The following ABLIM1 variants were observed in gnomAD, a reference collection of about 807,000 sequenced individuals.
ABLIM1 encodes actin-binding LIM protein 1.
Under a neutral mutation model 107.0 loss-of-function variants are expected in ABLIM1, and 40 were observed. That is an observed-to-expected ratio of 0.37 (90% CI 0.29 to 0.49). The LOEUF is 0.49. ABLIM1 is among the 20% of genes least tolerant of loss of function. The probability of loss-of-function intolerance (pLI) is 0.97; values close to 1 mark genes in which losing one functional copy is unlikely to be tolerated. For missense variants in ABLIM1, 857 were observed against 1,008.5 expected, an observed-to-expected ratio of 0.85 and a Z score of 2.04; for synonymous variants, 357 against 357.3, an observed-to-expected ratio of 1.00 and a Z score of 0.01.
At chr10:114,456,162 C>T (rs1019244346) in intron 12 of ABLIM1, among the ~76,000 whole-genome samples, 2 of 152,118 alleles carry the variant, frequency 1.3e-5, no homozygotes, top group South Asian at 2.1e-4. Flanking sequence ...CCTTGAAGAA[C>T]GTCGTTTATT....
rs2081449460 is a variant in ABLIM1 at position 114,707,616 on chromosome 10, C to T, written c.-213+60445G>A. Among the ~76,000 whole-genome samples, 1 of 152,074 alleles carries T rather than the reference C, an allele frequency of 6.6e-6. No individual in the cohort carries two copies. The highest frequency in any genetic ancestry group is 1.5e-5 in the Non-Finnish European group (1 of 68,016). ...AGTACTAGTCATAAAAAACTAATTA[C>T]CGGCCGGGCACGGTGGCTCACACTT... On this transcript the variant is annotated intron_variant, in intron 1 of 15. Transcript: ENST00000651092. The surrounding 1 kb of genome is among the most constrained non-coding windows in gnomAD (Gnocchi z 4.1).
At chr10:114,766,506 C>T (rs988021969) in intron 1 of ABLIM1, among the ~76,000 whole-genome samples, 4 of 152,102 alleles carry the variant, frequency 2.6e-5, no homozygotes, top group African/African-American at 9.7e-5. Flanking sequence ...CAGATAAACC[C>T]GAGACCCTGG....
At chr10:114,592,713 A>C (rs1198770465) in intron 2 of ABLIM1, among the ~76,000 whole-genome samples, 1 of 152,154 alleles carries the variant, frequency 6.6e-6, no homozygotes, top group Non-Finnish European at 1.5e-5. Flanking sequence ...TTTTGTACAT[A>C]CTATGAAGAT....
intron 2 of ABLIM1, among the ~76,000 whole-genome samples, chr10:114,577,026 T>G (rs187126211): frequency 5.9e-5 from 9 of 152,322 alleles, no homozygotes; most frequent in African/African-American, 1.9e-4. Context: ...GGAACCCACG[T>G]GTGGATTGGC....
At chr10:114,513,127 C>A (rs2062184076) in intron 6 of ABLIM1, among the ~76,000 whole-genome samples, 1 of 152,096 alleles carries the variant, frequency 6.6e-6, no homozygotes, top group Non-Finnish European at 1.5e-5. Flanking sequence ...AGAAACTTAC[C>A]AGATACTTTC....
At chr10:114,736,162 G>GC (rs1281476452) in intron 1 of ABLIM1, among the ~76,000 whole-genome samples, 4 of 152,038 alleles carry the variant, frequency 2.6e-5, no homozygotes, top group Admixed American at 1.3e-4. Context: ...ACCTTAAAGT[G>GC]CCCCCCAGGA....
the ABLIM1 span, among the ~76,000 whole-genome samples, chr10:114,800,578 G>A: frequency 3.9e-5 from 6 of 152,146 alleles, no homozygotes; most frequent in Admixed American, 6.5e-5. Context: ...CCTGAATACA[G>A]TTGACCCGTG....
chr10:114,648,485 C>T (rs904167360), intron 1 of ABLIM1, among the ~76,000 whole-genome samples: 1 of 152,186 alleles, frequency 6.6e-6, no homozygotes, highest in East Asian at 1.9e-4. Context: ...GGAAAACCCA[C>T]AAACACCTAA....
At chr10:114,648,708 T>C (rs74158026) in intron 1 of ABLIM1, among the ~76,000 whole-genome samples, 3,865 of 152,316 alleles carry the variant, frequency 0.025, 148 homozygotes, top group African/African-American at 0.088. Context: ...TTTTAAAATG[T>C]ATGAAGTACC....
At chr10:114,519,422 T>C (rs1258678276) in intron 6 of ABLIM1, among the ~76,000 whole-genome samples, 2 of 152,184 alleles carry the variant, frequency 1.3e-5, no homozygotes, top group Admixed American at 1.3e-4. Context: ...GCAGCCTTTT[T>C]TCCCCGCCCA....
chr10:114,479,375 A>T (rs901250695), intron 8 of ABLIM1, among the ~76,000 whole-genome samples: 2 of 152,198 alleles, frequency 1.3e-5, no homozygotes, highest in African/African-American at 4.8e-5. Flanking sequence ...CAGCTACCGC[A>T]CTTGGACTCC....
At chr10:114,727,812 AGGCATGGTG>A (rs1410018293) in intron 1 of ABLIM1, among the ~76,000 whole-genome samples, 1 of 152,088 alleles carries the variant, frequency 6.6e-6, no homozygotes, top group African/African-American at 2.4e-5. Context: ...AAAGTTAGCC[AGGCATGGTG>A]GCTCATGCCT....
intron 12 of ABLIM1, among the ~76,000 whole-genome samples, chr10:114,457,998 G>A (rs979882074): frequency 2.0e-5 from 3 of 152,100 alleles, no homozygotes; most frequent in African/African-American, 4.8e-5. Flanking sequence ...GCTTGAACCC[G>A]GGAGGTGGAG....
intron 2 of ABLIM1, among the ~76,000 whole-genome samples, chr10:114,580,204 A>T (rs1565997342): frequency 7.3e-6 from 1 of 137,042 alleles, no homozygotes; most frequent in East Asian, 2.2e-4. Context: ...TATATTATAT[A>T]TTATATATAT....
chr10:114,609,001 T>C (rs2076626541), intron 1 of ABLIM1, among the ~76,000 whole-genome samples: 2 of 150,968 alleles, frequency 1.3e-5, no homozygotes, highest in South Asian at 4.2e-4. Flanking sequence ...GGTGAGACTC[T>C]GCCTCAAAAA....
chr10:114,553,666 G>T (rs1212197869), intron 4 of ABLIM1, among the ~76,000 whole-genome samples: 1 of 152,190 alleles, frequency 6.6e-6, no homozygotes, highest in African/African-American at 2.4e-5. Context: ...TTTACTAAGT[G>T]GGGAAACTCA....
intron 1 of ABLIM1, among the ~76,000 whole-genome samples, chr10:114,730,270 C>A (rs949823614): frequency 6.6e-6 from 1 of 151,820 alleles, no homozygotes; most frequent in Non-Finnish European, 1.5e-5. Context: ...TGGCGATGCA[C>A]GCCTATAATC....
At chr10:114,620,104 A>T (rs934734381) in intron 1 of ABLIM1, among the ~76,000 whole-genome samples, 1 of 152,252 alleles carries the variant, frequency 6.6e-6, no homozygotes, top group African/African-American at 2.4e-5. Flanking sequence ...GTTAGTGTAG[A>T]GGGTCTAAGC....
the ABLIM1 span, among the ~76,000 whole-genome samples, chr10:114,786,871 T>C: frequency 1.3e-5 from 2 of 152,174 alleles, no homozygotes; most frequent in Non-Finnish European, 2.9e-5. Flanking sequence ...GCAGCCTGCC[T>C]TGGCCTCCCA....
Sources: gnomAD v4.1 joint callset for allele counts (sites outside exome capture counted in the v4.1 genomes callset) on GRCh38, gnomAD v4.1.1 for gene constraint, Gnocchi (gnomAD v3.1) non-coding constraint, MANE v1.5 for transcripts, NCBI Gene and HGNC (gene_info 2026-07-23, HGNC 2026-07-21) for gene names.